The following APC variants were observed in gnomAD, a reference collection of about 807,000 sequenced individuals.
APC encodes APC regulator of Wnt signaling pathway, also known as adenomatous polyposis coli protein.
Under a neutral mutation model 247.0 loss-of-function variants are expected in APC, and 72 were observed. The observed-to-expected ratio is 0.29, with a 90% CI of 0.24 to 0.35. The LOEUF is 0.35. Ranked by LOEUF, APC falls within the 10% of genes least tolerant of loss-of-function variation. The probability of loss-of-function intolerance (pLI) is 1.00; values close to 1 mark genes in which losing one functional copy is unlikely to be tolerated. For missense variants in APC, 3,400 were observed against 3,360.7 expected (o/e 1.01, Z -0.29); for synonymous variants, 1,254 against 1,162.5 (o/e 1.08, Z -1.60).
intron 1 of APC, among the ~76,000 whole-genome samples, chr5:112,727,161 A>G (rs1751833287): frequency 6.6e-6 from 1 of 152,044 alleles, no homozygotes; most frequent in South Asian, 2.1e-4. Flanking sequence ...TTTGATTGAC[A>G]TAGTCCAGTA....
chr5:112,837,157 A>G (rs191638099), intron 15 of APC, among the ~76,000 whole-genome samples: 13 of 152,338 alleles, frequency 8.5e-5, no homozygotes, highest in East Asian at 7.7e-4. Context: ...AGATAACTCA[A>G]TATCAATATC....
At position 112,757,548 on chromosome 5, in the gene APC, C is replaced by T. The variant is rs565904200; in HGVS notation, c.135+2523C>T. On this transcript the variant is annotated intron_variant, in intron 2 of 15. Transcript: ENST00000257430. ...AGGAATTTGAGACCAGCCTGGGCAACATGGCAAGACTCTGTTTCTGCAAAA... is the reference window on the plus strand; with the variant it reads ...AGGAATTTGAGACCAGCCTGGGCAATATGGCAAGACTCTGTTTCTGCAAAA... Among the ~76,000 whole-genome samples, 6 of 152,150 alleles carry T rather than the reference C, an allele frequency of 3.9e-5. No individual in the cohort carries two copies. In the South Asian group the frequency reaches 1.2e-3, roughly 32 times the overall value.
In APC at chr5:112,842,849, A is replaced by T. The variant is rs730881259; in HGVS notation, c.7255A>T (p.Met2419Leu). The T allele has an allele frequency of 6.2e-7, 1 of 1,613,850 alleles. No homozygotes were observed. The highest frequency in any genetic ancestry group is 1.3e-5 in the African/African-American group (1 of 74,926). The change falls in exon 16 of 16, where the codon ATG becomes TTG. Residue 2419 changes from methionine (M) to leucine (L), a missense_variant. By Grantham distance (15) the Met-to-Leu change is conservative. Around this residue, in one of 9 missense-constraint regions of APC, gnomAD observed 1,788 missense variants for 1,649.5 expected, o/e 1.08. Transcript: ENST00000257430. Reference sequence around the variant, plus strand: ...CAATAAAAAGGTAGAACTTTCTAGAATGTCTTCAACTAAATCAAGTGGAAG... The same window carrying T: ...CAATAAAAAGGTAGAACTTTCTAGATTGTCTTCAACTAAATCAAGTGGAAG... ...GANKKVELSR[M>L]SSTKSSGSES...
chr5:112,840,573 T>C lies in APC; in HGVS notation c.4979T>C (p.Leu1660Pro), dbSNP rs1580654868. Reference protein sequence around the residue: ...NFSTATSLSDLTIESPPNELA... With the variant: ...NFSTATSLSDPTIESPPNELA... ...TCCACAGCTACATCTCTAAGTGATC[T>C]AACAATCGAATCCCCTCCAAATGAG... Residue 1660 changes from leucine to proline, a missense_variant, in exon 16 of 16, where the codon CTA becomes CCA. Physicochemically the swap from Leu to Pro is moderately conservative, Grantham distance 98. Transcript: ENST00000257430. The surrounding 1 kb of genome is among the most constrained non-coding windows in gnomAD (Gnocchi z 4.1). 1.2e-6 allele frequency: 2 copies of C among 1,614,132 alleles called. No individual in the cohort carries two copies. The highest frequency in any genetic ancestry group is 4.5e-5 in the East Asian group (2 of 44,882).
intron 3 of APC, 133 bp downstream of exon 3, chr5:112,766,543 A>C: frequency 1.6e-6 from 1 of 636,228 alleles, no homozygotes; most frequent in Non-Finnish European, 2.8e-6. Context: ...CCTTACCCTC[A>C]GGATGTAATT....
chr5:112,754,299 C>T (rs1754709029), intron 1 of APC, among the ~76,000 whole-genome samples: 1 of 152,028 alleles, frequency 6.6e-6, no homozygotes, highest in Admixed American at 6.6e-5. Context: ...TCATTTAATG[C>T]TCTCCTTCAT....
intron 1 of APC, among the ~76,000 whole-genome samples, chr5:112,750,741 A>C (rs1334732706): frequency 1.3e-5 from 2 of 152,196 alleles, no homozygotes; most frequent in African/African-American, 4.8e-5. Context: ...CATTAAACAA[A>C]TTAAAATTAA....
chr5:112,735,519 G>A (rs201262957), upstream of APC, among the ~76,000 whole-genome samples: 10 of 125,604 alleles, frequency 8.0e-5, no homozygotes, highest in East Asian at 2.9e-4. Context: ...ATATATATAT[G>A]TATATGTAGT....
intron 1 of APC, among the ~76,000 whole-genome samples, chr5:112,723,864 C>T (rs1018962679): frequency 6.6e-6 from 1 of 152,080 alleles, no homozygotes; most frequent in Non-Finnish European, 1.5e-5. Context: ...TACTCTTTGC[C>T]AAGCAATTAA....
At chr5:112,791,503 T>A (rs760472167) in intron 6 of APC, among the ~76,000 whole-genome samples, 1 of 152,110 alleles carries the variant, frequency 6.6e-6, no homozygotes, top group Non-Finnish European at 1.5e-5. Context: ...AACCCGCTTG[T>A]GAACTGCACA....
intron 13 of APC, among the ~76,000 whole-genome samples, chr5:112,828,483 C>T (rs1326517745): frequency 6.6e-6 from 1 of 151,886 alleles, no homozygotes; most frequent in Non-Finnish European, 1.5e-5. Context: ...AACAGGATCT[C>T]CCTCTCTTGC....
At chr5:112,778,784 C>A (rs891840745) in intron 5 of APC, among the ~76,000 whole-genome samples, 3 of 152,092 alleles carry the variant, frequency 2.0e-5, no homozygotes, top group Admixed American at 2.0e-4. Context: ...ACCTCGTGAT[C>A]CACCCACCTT....
intron 8 of APC, among the ~76,000 whole-genome samples, 179 bp from the exon 9 acceptor site, chr5:112,815,316 T>C (rs777366827): frequency 4.6e-5 from 7 of 152,352 alleles, no homozygotes; most frequent in Admixed American, 4.6e-4. Context: ...AGTTTTTCTC[T>C]AAAACATACT....
rs1312161630 is a variant in APC at position 112,707,816 on chromosome 5, C to T, written c.99C>T (p.Cys33=). 5.8e-6 allele frequency: 8 copies of T among 1,370,500 alleles called. No homozygotes were observed. The highest frequency in any genetic ancestry group is 1.4e-5 in the African/African-American group (1 of 69,754). 84.9% of individuals were successfully genotyped at this position (1,370,500 alleles called of 1,614,324 possible). The change falls in exon 1 of 14, where the codon TGC becomes TGT. Residue 33 remains cysteine, a synonymous_variant. Transcript: ENST00000507379. ...GGAGCACCGGCGGCAGCAGGAGCTG[C>T]GTCCGGCAGGAGACGAAGAGCCCGG...
chr5:112,765,937 C>CA lies in APC; in HGVS notation c.136-388dup, dbSNP rs151107290. Among the ~76,000 whole-genome samples, 882 of 152,190 alleles carry CA rather than the reference C, an allele frequency of 5.8e-3. 9 individuals are homozygous for CA. Among genetic ancestry groups the CA allele is most frequent in the African/African-American group, 0.02 (834 of 41,530 alleles). On this transcript the variant is annotated intron_variant, in intron 2 of 15. Coordinates refer to ENST00000257430, the MANE Select transcript of APC (RefSeq NM_000038.6). Reference sequence around the variant, plus strand: ...GTGTTAATTTGGTGTTTTTTATGGTCATGTTGGTGCACGCTTAAGAGACAT... The same window carrying CA: ...GTGTTAATTTGGTGTTTTTTATGGTCAATGTTGGTGCACGCTTAAGAGACAT...
Position 112,821,367 on chromosome 5 carries a change from G to A in APC, c.1313-529G>A, listed in dbSNP as rs148375189. On this transcript the variant is annotated intron_variant, in intron 10 of 15. Transcript: ENST00000257430. ...CAAAAAATTTTAAAAATTAGCTAGG[G>A]ATTGTGGGGTATGCCTGTAGTCCTA... Among the ~76,000 whole-genome samples, 670 of 152,030 alleles carry A rather than the reference G, an allele frequency of 4.4e-3. 3 individuals carry two copies. The highest frequency in any genetic ancestry group is 0.01 in the Middle Eastern group (3 of 294).
At position 112,792,438 on chromosome 5, in the gene APC, T is replaced by A. The variant is rs879254149; in HGVS notation, c.646-8T>A. On this transcript the variant is annotated splice_polypyrimidine_tract_variant and splice_region_variant and intron_variant, in intron 6 of 15. Coordinates refer to ENST00000257430, the MANE Select transcript of APC (RefSeq NM_000038.6). ...ACATAACTAATTAGGTTTCTTGTTT[T>A]ATTTTAGCGAAGAATAGCCAGAATT... 2.4e-5 allele frequency: 39 copies of A among 1,602,232 alleles called. No homozygotes were observed. The highest frequency in any genetic ancestry group is 3.3e-5 in the Non-Finnish European group (39 of 1,171,854).
chr5:112,731,351 T>C (rs762091705), intron 1 of APC, among the ~76,000 whole-genome samples: 2 of 152,198 alleles, frequency 1.3e-5, no homozygotes, highest in African/African-American at 4.8e-5. Flanking sequence ...GGTTCATAGT[T>C]ATAGGAGCTG....
chr5:112,748,910 T>C (rs1581101448), intron 1 of APC, among the ~76,000 whole-genome samples: 1 of 152,056 alleles, frequency 6.6e-6, no homozygotes, highest in Non-Finnish European at 1.5e-5. Flanking sequence ...AGCAGGAGGG[T>C]TACTTGAGAC....
Sources: allele counts gnomAD v4.1 joint callset (sites outside exome capture counted in the v4.1 genomes callset), GRCh38; gene constraint gnomAD v4.1.1; regional missense constraint gnomAD v4.1.1; non-coding constraint Gnocchi (gnomAD v3.1); transcripts MANE v1.5; gene names NCBI Gene and HGNC (gene_info 2026-07-23, HGNC 2026-07-21).